CCR2: variants seen among roughly 807,000 people sequenced by gnomAD.
The protein encoded by CCR2 is C-C chemokine receptor type 2.
For missense variants in CCR2, 408 were observed against 440.0 expected, an observed-to-expected ratio of 0.93 and a Z score of 0.65; for synonymous variants, 183 against 177.1, an observed-to-expected ratio of 1.03 and a Z score of -0.27.
In CCR2 at chr3:46,360,545, C is replaced by T. The variant is rs921410789; in HGVS notation, c.*1935C>T. On this transcript the variant is annotated 3_prime_UTR_variant, in exon 2 of 2. Coordinates refer to ENST00000445132, the MANE Select transcript of CCR2 (RefSeq NM_001123396.4). ...AAATCAAGTTGGCTTCTAATCAAAG[C>T]TTTTAAACCCTATTGGTAAAGAATG... 1 of 152,258 alleles carries T rather than the reference C, an allele frequency of 6.6e-6. No homozygotes were observed. The highest frequency in any genetic ancestry group is 6.5e-5 in the Admixed American group (1 of 15,282). The allele number at this position is 152,258 out of a possible 1,614,324, so 9.4% of individuals were successfully genotyped here. A position where few individuals can be genotyped will look rare whatever the true frequency, so the allele number is the denominator to read the frequency against.
At chr3:46,354,468 C>T (rs1028253341) in intron 1 of CCR2, among the ~76,000 whole-genome samples, 1 of 152,162 alleles carries the variant, frequency 6.6e-6, no homozygotes, top group Non-Finnish European at 1.5e-5. Context: ...TCACTCTGCC[C>T]CTCTGAGCAC....
rs1238779802 is a variant in CCR2, at chr3:46,360,560, G to C, written c.*1950G>C. On this transcript the variant is annotated 3_prime_UTR_variant, in exon 2 of 2. Coordinates refer to ENST00000445132, the MANE Select transcript of CCR2 (RefSeq NM_001123396.4). ...CTAATCAAAGCTTTTAAACCCTATT[G>C]GTAAAGAATGGAAGGTGGAGAAGCT... 1 of 152,186 alleles carries C rather than the reference G, an allele frequency of 6.6e-6. No homozygotes were observed. Among genetic ancestry groups the C allele is most frequent in the Non-Finnish European group, 1.5e-5 (1 of 68,038 alleles). The allele number at this position is 152,186 out of a possible 1,614,324, so 9.4% of individuals were successfully genotyped here.
Position 46,357,573 on chromosome 3 carries a change from A to C in CCR2, c.46A>C (p.Ser16Arg). Residue 16 changes from serine (S) to arginine (R), a missense_variant, in exon 2 of 2, where the codon AGC becomes CGC. By Grantham distance (110) the Ser-to-Arg change is moderately radical. Transcript: ENST00000445132. ...RSRFIRNTNE[S>R]GEEVTTFFDY... ...TCGGTTTATCAGAAATACCAACGAGAGCGGTGAAGAAGTCACCACCTTTTT... is the reference window on the plus strand; with the variant it reads ...TCGGTTTATCAGAAATACCAACGAGCGCGGTGAAGAAGTCACCACCTTTTT... 2 of 1,613,998 alleles carry C rather than the reference A, an allele frequency of 1.2e-6. No homozygotes were observed. Among genetic ancestry groups the C allele is most frequent in the South Asian group, 2.2e-5 (2 of 91,058 alleles).
rs531697752 is a variant in CCR2 at position 46,360,911 on chromosome 3, T to TA, written c.*2303dup. 193 of 152,392 alleles carry TA rather than the reference T, an allele frequency of 1.3e-3. 1 individual carries two copies. Among genetic ancestry groups the TA allele is most frequent in the African/African-American group, 4.4e-3 (184 of 41,602 alleles). 9.4% of individuals were successfully genotyped at this position (152,392 alleles called of 1,614,324 possible). ...TGATTTGGAAAATAAATCAATGCTA[T>TA]AACTATGTTGATAAAAGATTTAAAA... On this transcript the variant is annotated 3_prime_UTR_variant, in exon 2 of 2. Coordinates refer to ENST00000445132, the MANE Select transcript of CCR2 (RefSeq NM_001123396.4).
chr3:46,359,015 AGAG>A lies in CCR2; in HGVS notation c.*409_*411del, dbSNP rs1701504197. On this transcript the variant is annotated 3_prime_UTR_variant, in exon 2 of 2. Coordinates refer to ENST00000445132, the MANE Select transcript of CCR2 (RefSeq NM_001123396.4). ...GTGAGGGATAGTGGGGTCAGGGCTG[AGAG>A]GAGAAGGAGGGAGACATGAGCATGG... 1 of 1,030,990 alleles carries A rather than the reference AGAG, an allele frequency of 9.7e-7. No homozygotes were observed. The highest frequency in any genetic ancestry group is 1.7e-5 in the African/African-American group (1 of 57,780). 63.9% of individuals were successfully genotyped at this position (1,030,990 alleles called of 1,614,324 possible).
At chr3:46,355,514 A>G (rs1346586016) in intron 1 of CCR2, among the ~76,000 whole-genome samples, 1 of 152,226 alleles carries the variant, frequency 6.6e-6, no homozygotes, top group Non-Finnish European at 1.5e-5. Flanking sequence ...CCCACCACAT[A>G]TAAGTCATAG....
At chr3:46,355,202 T>C (rs1189827660) in intron 1 of CCR2, among the ~76,000 whole-genome samples, 1 of 152,130 alleles carries the variant, frequency 6.6e-6, no homozygotes, top group Non-Finnish European at 1.5e-5. Context: ...TCTAGATGCA[T>C]GCAGTGTTAT....
At position 46,357,494 on chromosome 3, in the gene CCR2, G is replaced by A. The variant is rs1326074186; in HGVS notation, c.-34G>A. 1 of 1,601,658 alleles carries A rather than the reference G, an allele frequency of 6.2e-7. No homozygotes were observed. Among genetic ancestry groups the A allele is most frequent in the African/African-American group, 1.3e-5 (1 of 74,780 alleles). On this transcript the variant is annotated 5_prime_UTR_variant, in exon 2 of 2. Transcript: ENST00000445132. ...GTTTACAGAACAGAGAAAGTGGATT[G>A]AACAAGGACGCATTTCCCCAGTACA...
chr3:46,359,670 C>A lies in CCR2; in HGVS notation c.*1060C>A. ...CCACTCCCCTCACTCTTCTCTTTTC[C>A]CCACAGCCTTTTTCACATAGCTCTT... On this transcript the variant is annotated 3_prime_UTR_variant, in exon 2 of 2. Transcript: ENST00000445132. 1 of 1,605,770 alleles carries A rather than the reference C, an allele frequency of 6.2e-7. No individual in the cohort carries two copies. The highest frequency in any genetic ancestry group is 8.5e-7 in the Non-Finnish European group (1 of 1,177,642).
rs148861329 is a variant in CCR2, at chr3:46,359,274, C to T, written c.*664C>T. The T allele has an allele frequency of 1.3e-3, 1,348 of 1,010,164 alleles. 6 individuals carry two copies. Among genetic ancestry groups the T allele is most frequent in the Non-Finnish European group, 8.6e-4 (723 of 836,540 alleles). The allele number at this position is 1,010,164 out of a possible 1,614,324, so 62.6% of individuals were successfully genotyped here. On this transcript the variant is annotated 3_prime_UTR_variant, in exon 2 of 2. Transcript: ENST00000445132. ...TTACAGTTTATCTATGGCACCCATG[C>T]ACCTTACATTTGAAATCTATGAAAT... is the stretch of plus-strand genomic sequence containing the variant.
At position 46,358,577 on chromosome 3, in the gene CCR2, C is replaced by T; in HGVS notation, c.1050C>T (p.Ser350=). ...GAGTGACTTCAACAAACACGCCTTC[C>T]ACTGGGGAGCAGGAAGTCTCGGCTG... The part of the protein sequence containing the change: ...VDGVTSTNTP[S]TGEQEVSAGL Residue 350 remains serine (S), a synonymous_variant, in exon 2 of 2, where the codon TCC becomes TCT. Coordinates refer to ENST00000445132, the MANE Select transcript of CCR2 (RefSeq NM_001123396.4). 1 of 1,597,478 alleles carries T rather than the reference C, an allele frequency of 6.3e-7. No individual in the cohort carries two copies. Among genetic ancestry groups the T allele is most frequent in the Non-Finnish European group, 8.5e-7 (1 of 1,170,866 alleles).
intron 1 of CCR2, among the ~76,000 whole-genome samples, chr3:46,355,424 G>T (rs1036939456): frequency 1.8e-4 from 27 of 152,194 alleles, no homozygotes; most frequent in African/African-American, 6.5e-4. Context: ...TGGGATTGGA[G>T]AAGGGACTGG....
intron 1 of CCR2, among the ~76,000 whole-genome samples, chr3:46,356,791 GC>G: frequency 6.6e-6 from 1 of 151,898 alleles, no homozygotes; most frequent in Non-Finnish European, 1.5e-5. Flanking sequence ...GGTGGTGCAC[GC>G]CTATAGTCCC....
Position 46,358,387 on chromosome 3 carries a change from C to T in CCR2, c.860C>T (p.Thr287Met), listed in dbSNP as rs183084727. Reference protein sequence around the residue: ...CESTSQLDQATQVTETLGMTH... With the variant: ...CESTSQLDQAMQVTETLGMTH... ...AGCACCAGTCAACTGGACCAAGCCACGCAGGTGACAGAGACTCTTGGGATG... is the reference window on the plus strand; with the variant it reads ...AGCACCAGTCAACTGGACCAAGCCATGCAGGTGACAGAGACTCTTGGGATG... Residue 287 changes from threonine (T) to methionine (M), a missense_variant, in exon 2 of 2, where the codon ACG (threonine) becomes ATG (methionine). Coordinates refer to ENST00000445132, the MANE Select transcript of CCR2 (RefSeq NM_001123396.4). The T allele has an allele frequency of 8.7e-6, 14 of 1,614,092 alleles. No homozygotes were observed. The African/African-American group carries it at 1.1e-4, about 12-fold the overall frequency.
intron 1 of CCR2, among the ~76,000 whole-genome samples, chr3:46,354,486 C>A (rs1043205960): frequency 6.6e-6 from 1 of 152,138 alleles, no homozygotes; most frequent in South Asian, 2.1e-4. Context: ...CACCCAAGGA[C>A]GTTAAAGAGC....
intron 1 of CCR2, among the ~76,000 whole-genome samples, chr3:46,355,287 G>A (rs568268057): frequency 2.6e-5 from 4 of 152,252 alleles, no homozygotes; most frequent in Admixed American, 2.0e-4. Context: ...AGGTATTGAA[G>A]GGTGAATAGA....
chr3:46,356,699 C>T (rs971253495), intron 1 of CCR2, among the ~76,000 whole-genome samples: 6 of 152,088 alleles, frequency 3.9e-5, no homozygotes, highest in Non-Finnish European at 5.9e-5. Flanking sequence ...GCGGGTGCAT[C>T]AGGAGGTCAA....
chr3:46,354,449 C>T (rs1340240902), intron 1 of CCR2, among the ~76,000 whole-genome samples: 1 of 152,142 alleles, frequency 6.6e-6, no homozygotes, highest in Non-Finnish European at 1.5e-5. Context: ...AGTCCACACA[C>T]CCAGGGGCTC....
rs1442215566 is a variant in CCR2, at chr3:46,359,179, A to G, written c.*569A>G. On this transcript the variant is annotated 3_prime_UTR_variant, in exon 2 of 2. Transcript: ENST00000445132. ...AGGTCAGGGAGAGTTTGGGAACTGC[A>G]ATAACCTGGGAGTTTTGGTGGAGTC... The G allele has an allele frequency of 4.1e-5, 41 of 1,005,234 alleles. No homozygotes were observed. The South Asian group carries it at 1.7e-3, about 41-fold the overall frequency. 62.3% of individuals were successfully genotyped at this position (1,005,234 alleles called of 1,614,324 possible).
Sources: allele counts gnomAD v4.1 joint callset (sites outside exome capture counted in the v4.1 genomes callset), GRCh38; gene constraint gnomAD v4.1.1; transcripts MANE v1.5; gene names NCBI Gene and HGNC (gene_info 2026-07-23, HGNC 2026-07-21).